RGS3: variants seen among roughly 807,000 people sequenced by gnomAD.
RGS3 encodes the protein regulator of G-protein signalling 3.
RGS3 carries 80 observed loss-of-function variants against 132.6 expected under a neutral mutation model. The ratio of observed to expected loss-of-function variants is 0.60; its 90% CI spans 0.50 to 0.73. The LOEUF (loss-of-function observed/expected upper bound fraction) is 0.73. Ranked by LOEUF, RGS3 falls within the 30% of genes least tolerant of loss-of-function variation. RGS3 has a pLI of 0.00. For synonymous variants in RGS3, 598 were observed against 620.6 expected (o/e 0.96, Z 0.54); for missense variants, 1,382 against 1,530.8 (o/e 0.90, Z 1.62).
rs551929417 is a variant in RGS3 at position 113,522,992 on chromosome 9, C to T, written c.1821C>T (p.Cys607=). 23 of 1,613,920 alleles carry T rather than the reference C, an allele frequency of 1.4e-5. No individual in the cohort carries two copies. The South Asian group carries it at 1.6e-4, about 12-fold the overall frequency. ...CCAAGGAGGACGAGCCTGGCCGCTG[C>T]GACGTCCTGAGGAACCCCCTCTACC... is the stretch of plus-strand genomic sequence containing the variant. The change falls in exon 17 of 25, where the codon TGC becomes TGT. Residue 607 remains cysteine, a synonymous_variant. Transcript: ENST00000350696.
intron 3 of RGS3, among the ~76,000 whole-genome samples, chr9:113,465,809 T>A (rs771512560): frequency 6.6e-6 from 1 of 152,158 alleles, no homozygotes. Flanking sequence ...CCTGCTCTTA[T>A]TCGTGCAGGC....
At chr9:113,580,467 A>G (rs561791018) in intron 19 of RGS3, among the ~76,000 whole-genome samples, 11 of 152,334 alleles carry the variant, frequency 7.2e-5, no homozygotes, top group Admixed American at 5.9e-4. Flanking sequence ...AGGAGACTCA[A>G]ATAGTCCTGT....
chr9:113,495,982 TG>T, intron 8 of RGS3, 136 bp downstream of exon 6: 1 of 791,144 alleles, frequency 1.3e-6, no homozygotes. Context: ...CCCTGTGGGG[TG>T]GCCTGCATAG....
intron 17 of RGS3, among the ~76,000 whole-genome samples, chr9:113,525,824 A>G (rs1421715798): frequency 6.6e-6 from 1 of 152,194 alleles, no homozygotes; most frequent in African/African-American, 2.4e-5. Context: ...TGGGTGCCTA[A>G]TCAATGTTTG....
At chr9:113,478,841 A>G (rs1462045199) in intron 3 of RGS3, 3 of 152,588 alleles carry the variant, frequency 2.0e-5, no homozygotes, top group Non-Finnish European at 4.4e-5. Flanking sequence ...ACAAAAACCT[A>G]AAACTTTTCT....
Position 113,537,044 on chromosome 9 carries a change from C to T in RGS3, c.2037+126C>T, listed in dbSNP as rs1323034268. ...CCAACTTGGCTCTGGGCAATGAGCT[C>T]TTGGCAAGCGGGGACCTGTGCCCGA... On this transcript the variant is annotated intron_variant, in intron 19 of 24. Coordinates refer to ENST00000350696, the Ensembl canonical transcript of RGS3. The surrounding 1 kb of genome is among the most constrained non-coding windows in gnomAD (Gnocchi z 4.3). The T allele has an allele frequency of 1.2e-6, 1 of 853,198 alleles. No homozygotes were observed. Among genetic ancestry groups the T allele is most frequent in the East Asian group, 2.7e-5 (1 of 37,368 alleles). 52.9% of individuals were successfully genotyped at this position (853,198 alleles called of 1,614,324 possible).
At chr9:113,589,479 C>T (rs1835297837) in intron 20 of RGS3, among the ~76,000 whole-genome samples, 2 of 152,232 alleles carry the variant, frequency 1.3e-5, no homozygotes, top group South Asian at 4.1e-4. Context: ...AGACACTCTC[C>T]TCCCCACAGT....
intron 10 of RGS3, among the ~76,000 whole-genome samples, chr9:113,502,235 T>C (rs1383342182): frequency 6.6e-6 from 1 of 152,190 alleles, no homozygotes; most frequent in East Asian, 1.9e-4. Context: ...CCTGAGCCTC[T>C]TCTAGAACTG....
At chr9:113,571,847 G>A (rs1834305521) in intron 19 of RGS3, among the ~76,000 whole-genome samples, 1 of 152,116 alleles carries the variant, frequency 6.6e-6, no homozygotes, top group Admixed American at 6.5e-5. Flanking sequence ...TTCATATTTA[G>A]ATCTAAAATC....
At chr9:113,462,452 CT>C (rs1378241071) in intron 3 of RGS3, among the ~76,000 whole-genome samples, 1 of 152,234 alleles carries the variant, frequency 6.6e-6, no homozygotes, top group African/African-American at 2.4e-5. Flanking sequence ...TGGTGGCCAC[CT>C]GACCCTGTGG....
At chr9:113,480,288 C>T (rs1308554028) in intron 4 of RGS3, among the ~76,000 whole-genome samples, 1 of 152,124 alleles carries the variant, frequency 6.6e-6, no homozygotes, top group East Asian at 1.9e-4. Context: ...GAAACCCCGT[C>T]TCTACCAAAA....
At chr9:113,593,992 T>C (rs771442781) in intron 21 of RGS3, 1 of 1,613,048 alleles carries the variant, frequency 6.2e-7, no homozygotes, top group Non-Finnish European at 8.5e-7. Flanking sequence ...GGCTGTCCCT[T>C]GCAGACACAT....
chr9:113,583,651 G>A (rs1022866847), exon 20 of RGS3: 2 of 1,614,060 alleles, frequency 1.2e-6, no homozygotes, highest in Non-Finnish European at 1.7e-6. Flanking sequence ...CAAAGACTCA[G>A]CTACCTCTGA....
At chr9:113,554,090 A>G (rs888778469) in intron 19 of RGS3, among the ~76,000 whole-genome samples, 3 of 152,218 alleles carry the variant, frequency 2.0e-5, no homozygotes, top group South Asian at 2.1e-4. Flanking sequence ...CCCCAACACT[A>G]TTGTTCTTAT....
intron 1 of RGS3, among the ~76,000 whole-genome samples, chr9:113,448,752 GA>G (rs1391840107): frequency 6.6e-6 from 1 of 152,162 alleles, no homozygotes; most frequent in African/African-American, 2.4e-5. Context: ...GTGAATAAAT[GA>G]AAAAATATAT....
chr9:113,447,329 GTATA>G (rs60991619), intron 1 of RGS3, among the ~76,000 whole-genome samples: 896 of 27,564 alleles, frequency 0.033, 118 homozygotes, highest in South Asian at 0.12. Flanking sequence ...GTATGTATAT[GTATA>G]TATATATATA....
At chr9:113,466,492 G>GTAT (rs1829649223) in intron 3 of RGS3, among the ~76,000 whole-genome samples, 1 of 152,234 alleles carries the variant, frequency 6.6e-6, no homozygotes, top group Non-Finnish European at 1.5e-5. Flanking sequence ...CCCAAAAGGA[G>GTAT]TATGTTCAAG....
intron 19 of RGS3, among the ~76,000 whole-genome samples, chr9:113,547,281 T>A (rs578081640): frequency 6.6e-6 from 1 of 152,236 alleles, no homozygotes; most frequent in African/African-American, 2.4e-5. Context: ...TGTATGGCCC[T>A]ATGCAAATGT....
chr9:113,463,134 G>A lies in RGS3; in HGVS notation c.415+933G>A, dbSNP rs897815596. 6.6e-6 allele frequency among the ~76,000 whole-genome samples: 1 copy of A among 152,198 alleles called. No individual in the cohort carries two copies. The highest frequency in any genetic ancestry group is 2.4e-5 in the African/African-American group (1 of 41,428). On this transcript the variant is annotated intron_variant, in intron 3 of 24. Transcript: ENST00000350696. The surrounding 1 kb of genome is among the most constrained non-coding windows in gnomAD (Gnocchi z 4.6). ...TCCGATGGCATCAGGCTGTGGGACGGGGGGCCATCAGGTTGGTTGGAGCAA... is the reference window on the plus strand; with the variant it reads ...TCCGATGGCATCAGGCTGTGGGACGAGGGGCCATCAGGTTGGTTGGAGCAA...
Sources: gnomAD v4.1 joint callset for allele counts (sites outside exome capture counted in the v4.1 genomes callset) on GRCh38, gnomAD v4.1.1 for gene constraint, Gnocchi (gnomAD v3.1) non-coding constraint, MANE v1.5 for transcripts, NCBI Gene and HGNC (gene_info 2026-07-23, HGNC 2026-07-21) for gene names.